The following P2RY6 variants were observed in gnomAD, a reference collection of about 807,000 sequenced individuals.
The protein encoded by P2RY6 is P2Y purinoceptor 6.
P2RY6 carries 19 observed loss-of-function variants against 16.3 expected under a neutral mutation model. The ratio of observed to expected loss-of-function variants is 1.16; its 90% CI spans 0.81 to 1.71. P2RY6 has a LOEUF of 1.71. Among genes scored for constraint, P2RY6 ranks in the 40% most tolerant of loss-of-function variants. The pLI is 0.00. For synonymous variants in P2RY6, 184 were observed against 201.5 expected (o/e 0.91, Z 0.74); for missense variants, 389 against 455.5 (o/e 0.85, Z 1.33).
chr11:73,275,448 C>A (rs1174968561), intron 1 of P2RY6, among the ~76,000 whole-genome samples: 1 of 152,186 alleles, frequency 6.6e-6, no homozygotes, highest in Non-Finnish European at 1.5e-5. Context: ...CAGGGACAGA[C>A]CTGCACAGGA....
intron 1 of P2RY6, among the ~76,000 whole-genome samples, chr11:73,289,098 T>C (rs1391767120): frequency 6.6e-6 from 1 of 152,154 alleles, no homozygotes; most frequent in Non-Finnish European, 1.5e-5. Flanking sequence ...CCTCAGGGGA[T>C]TGGGGAGGCT....
chr11:73,285,007 C>A (rs1475733483), intron 1 of P2RY6, among the ~76,000 whole-genome samples: 1 of 152,174 alleles, frequency 6.6e-6, no homozygotes, highest in Non-Finnish European at 1.5e-5. Context: ...ATAATTTTAG[C>A]TTAGAGTGGT....
intron 1 of P2RY6, among the ~76,000 whole-genome samples, chr11:73,283,255 C>A (rs191710173): frequency 3.3e-5 from 5 of 152,124 alleles, no homozygotes; most frequent in African/African-American, 4.8e-5. Context: ...TACCCCAACC[C>A]TCACCTACTC....
chr11:73,264,813 G>C (rs943306205), intron 1 of P2RY6, among the ~76,000 whole-genome samples: 33 of 152,080 alleles, frequency 2.2e-4, no homozygotes, highest in African/African-American at 8.0e-4. Context: ...CTGTGAGCGC[G>C]ATCTGCACTC....
intron 1 of P2RY6, among the ~76,000 whole-genome samples, chr11:73,293,915 TCTC>T (rs1864373931): frequency 6.6e-6 from 1 of 152,002 alleles, no homozygotes; most frequent in South Asian, 2.1e-4. Flanking sequence ...TCTAGCATGT[TCTC>T]CTCCTCACCA....
intron 1 of P2RY6, among the ~76,000 whole-genome samples, chr11:73,294,301 T>A (rs1180589241): frequency 6.6e-6 from 1 of 152,230 alleles, no homozygotes; most frequent in South Asian, 2.1e-4. Flanking sequence ...AGCATATCTG[T>A]ATCTGTATCC....
rs1473389714 is a variant in P2RY6 at position 73,297,897 on chromosome 11, A to C, written c.*392A>C. On this transcript the variant is annotated 3_prime_UTR_variant, in exon 3 of 3. Coordinates refer to ENST00000540124, the MANE Select transcript of P2RY6 (RefSeq NM_001277204.2). ...GAGAGCTTCTGGGAAGGGGCATTTG[A>C]GCTGGGTTTTGAGGGATGATTATGA... 1 of 230,836 alleles carries C rather than the reference A, an allele frequency of 4.3e-6. No homozygotes were observed. Among genetic ancestry groups the C allele is most frequent in the Non-Finnish European group, 9.2e-6 (1 of 108,544 alleles). 14.3% of individuals were successfully genotyped at this position (230,836 alleles called of 1,614,324 possible). A position where few individuals can be genotyped will look rare whatever the true frequency, so the allele number is the denominator to read the frequency against.
In P2RY6 at chr11:73,296,888, C is replaced by A. The variant is rs370867718; in HGVS notation, c.370C>A (p.Arg124Ser). ...ILFLTCISFQ[R>S]YLGICHPLAP... ...CTTCCTCACCTGCATCAGCTTCCAG[C>A]GCTACCTGGGCATCTGCCACCCGCT... Residue 124 changes from arginine (R) to serine (S), a missense_variant, in exon 3 of 3, where the codon CGC (arginine) becomes AGC (serine). Coordinates refer to ENST00000540124, the MANE Select transcript of P2RY6 (RefSeq NM_001277204.2). The A allele has an allele frequency of 6.2e-7, 1 of 1,610,366 alleles. No individual in the cohort carries two copies. The highest frequency in any genetic ancestry group is 8.5e-7 in the Non-Finnish European group (1 of 1,180,026).
intron 1 of P2RY6, among the ~76,000 whole-genome samples, chr11:73,291,944 G>T (rs1864268350): frequency 6.6e-6 from 1 of 152,230 alleles, no homozygotes; most frequent in Non-Finnish European, 1.5e-5. Flanking sequence ...CACCTGCCTT[G>T]CTGCCTCAGC....
chr11:73,289,980 G>A (rs1444955743), intron 1 of P2RY6, among the ~76,000 whole-genome samples: 2 of 152,136 alleles, frequency 1.3e-5, no homozygotes, highest in African/African-American at 4.8e-5. Flanking sequence ...CCAGCACTTC[G>A]CGAGGCCGAG....
rs113162121 is a variant in P2RY6, at chr11:73,295,450, G to A, written c.-120-280G>A. Reference sequence around the variant, plus strand: ...ATCCCATGTCTGTGGGCTACACTAAGCTGTCTCTTCTGGATTGGGCAGTTG... The same window carrying A: ...ATCCCATGTCTGTGGGCTACACTAAACTGTCTCTTCTGGATTGGGCAGTTG... On this transcript the variant is annotated intron_variant, in intron 1 of 2. Coordinates refer to ENST00000540124, the MANE Select transcript of P2RY6 (RefSeq NM_001277204.2). Among the ~76,000 whole-genome samples the A allele has an allele frequency of 7.6e-3, 1,159 of 152,278 alleles. 13 individuals are homozygous for A. Among genetic ancestry groups the A allele is most frequent in the African/African-American group, 0.027 (1,114 of 41,532 alleles).
intron 1 of P2RY6, among the ~76,000 whole-genome samples, chr11:73,287,297 C>A (rs1269475822): frequency 6.6e-6 from 1 of 152,174 alleles, no homozygotes; most frequent in Non-Finnish European, 1.5e-5. Context: ...TTCCTGATGC[C>A]CCAGTAAAAG....
chr11:73,296,088 C>T (rs115835715), intron 2 of P2RY6, among the ~76,000 whole-genome samples: 1,710 of 152,106 alleles, frequency 0.011, 31 homozygotes, highest in African/African-American at 0.039. Flanking sequence ...AATGAAATCA[C>T]CACCTCAAGG....
At chr11:73,265,008 G>A (rs1863055978) in intron 1 of P2RY6, among the ~76,000 whole-genome samples, 1 of 152,240 alleles carries the variant, frequency 6.6e-6, no homozygotes, top group Non-Finnish European at 1.5e-5. Context: ...CTGTGCTGGG[G>A]TAACACAGGG....
chr11:73,286,238 G>A (rs1225558050), intron 1 of P2RY6, among the ~76,000 whole-genome samples: 1 of 152,136 alleles, frequency 6.6e-6, no homozygotes, highest in East Asian at 1.9e-4. Context: ...TCACTGCCAG[G>A]TGGGCTCAGG....
intron 1 of P2RY6, among the ~76,000 whole-genome samples, chr11:73,278,249 G>A (rs1053685573): frequency 8.6e-5 from 13 of 151,760 alleles, no homozygotes; most frequent in Admixed American, 3.9e-4. Flanking sequence ...TCGGCTCATC[G>A]CAACCTCTGC....
chr11:73,271,459 G>T (rs901178104), upstream of P2RY6: 1 of 152,266 alleles, frequency 6.6e-6, no homozygotes, highest in Non-Finnish European at 1.5e-5. Context: ...CTCTAAGGGG[G>T]TCCACGTGAG....
upstream of P2RY6, among the ~76,000 whole-genome samples, chr11:73,267,405 G>A (rs113230804): frequency 3.3e-4 from 51 of 152,276 alleles, 1 homozygote; most frequent in African/African-American, 1.2e-3. Context: ...GCTCTCAGGG[G>A]ACGGTGGCCC....
chr11:73,264,853 T>TAAA (rs57324172), intron 1 of P2RY6, among the ~76,000 whole-genome samples: 1 of 147,920 alleles, frequency 6.8e-6, no homozygotes, highest in Non-Finnish European at 1.5e-5. Context: ...AGACTCCGTC[T>TAAA]AAAAAAAAAA....
Sources: allele counts gnomAD v4.1 joint callset (sites outside exome capture counted in the v4.1 genomes callset), GRCh38; gene constraint gnomAD v4.1.1; transcripts MANE v1.5; gene names NCBI Gene and HGNC (gene_info 2026-07-23, HGNC 2026-07-21).